Variants in BCLAF1 observed in about 807,000 individuals in gnomAD.
The protein encoded by BCLAF1 is bcl-2-associated transcription factor 1.
BCLAF1 carries 10 observed loss-of-function variants against 99.5 expected under a neutral mutation model. The observed-to-expected ratio is 0.10, with a 90% CI of 0.06 to 0.17. The LOEUF (loss-of-function observed/expected upper bound fraction) is 0.17, where lower values mean the gene tolerates loss of function less well. Ranked by LOEUF, BCLAF1 falls within the 10% of genes least tolerant of loss-of-function variation. The probability of loss-of-function intolerance (pLI) is 1.00; values close to 1 mark genes in which losing one functional copy is unlikely to be tolerated. For synonymous variants in BCLAF1, 255 were observed against 370.9 expected (o/e 0.69, Z 3.59); for missense variants, 636 against 1,105.8 (o/e 0.58, Z 6.02).
intron 9 of BCLAF1, chr6:136,269,028 T>TC (rs1174520396): frequency 1.7e-5 from 13 of 769,266 alleles, no homozygotes; most frequent in South Asian, 3.0e-5. Context: ...TAGTCCTTCC[T>TC]CCCCCCCATC....
At chr6:136,268,416 T>G in intron 9 of BCLAF1, 77 bp from the exon 10 acceptor site, 2 of 1,333,480 alleles carry the variant, frequency 1.5e-6, no homozygotes, top group African/African-American at 2.9e-5. Context: ...ACAGAAGAGA[T>G]ATTTTTCAAG....
intron 11 of BCLAF1, among the ~76,000 whole-genome samples, chr6:136,265,826 T>C (rs866536357): frequency 6.6e-6 from 1 of 152,178 alleles, no homozygotes; most frequent in South Asian, 2.1e-4. Flanking sequence ...TCTCTACTAC[T>C]AGCAGTCTCT....
Position 136,257,345 on chromosome 6 carries a change from T to TAGTTGGGGTC in BCLAF1, c.*3764_*3765insGACCCCAACT. ...AGATTCATTTTTAAAGGCCAAGGTATAGTCTAGTAACATAAAAAGAACTGG... is the reference window on the plus strand; with the variant it reads ...AGATTCATTTTTAAAGGCCAAGGTATAGTTGGGGTCAGTCTAGTAACATAAAAAGAACTGG... On this transcript the variant is annotated 3_prime_UTR_variant, in exon 13 of 13. Coordinates refer to ENST00000531224, the MANE Select transcript of BCLAF1 (RefSeq NM_014739.3). The TAGTTGGGGTC allele has an allele frequency of 6.6e-6, 1 of 152,322 alleles. No homozygotes were observed. The allele number at this position is 152,322 out of a possible 1,614,324, so 9.4% of individuals were successfully genotyped here.
intron 10 of BCLAF1, 143 bp from the exon 11 acceptor site, chr6:136,267,318 G>T: frequency 2.0e-6 from 2 of 1,013,896 alleles, no homozygotes; most frequent in Non-Finnish European, 2.8e-6. Context: ...GAAAAGGATG[G>T]CCATTTTATA....
Position 136,278,919 on chromosome 6 carries a change from T to C in BCLAF1, c.105-143A>G, listed in dbSNP as rs939994015. 68 of 836,234 alleles carry C rather than the reference T, an allele frequency of 8.1e-5. 1 individual carries two copies. The highest frequency in any genetic ancestry group is 1.5e-5 in the Non-Finnish European group (9 of 584,940). 51.8% of individuals were successfully genotyped at this position (836,234 alleles called of 1,614,324 possible). On this transcript the variant is annotated intron_variant, in intron 3 of 12. Coordinates refer to ENST00000531224, the MANE Select transcript of BCLAF1 (RefSeq NM_014739.3). ...AAAAACTCATCTGTACAAAAGTTAA[T>C]GGTTTCCAATCAAAAAGCCTCACTA...
At chr6:136,261,242 A>G (rs755988618) in intron 12 of BCLAF1, 23 bp downstream of exon 12, 1 of 1,605,848 alleles carries the variant, frequency 6.2e-7, no homozygotes, top group Non-Finnish European at 8.5e-7. Context: ...AATCTGTCAG[A>G]ATCACAAGTT....
At chr6:136,266,140 A>AT (rs942314981) in intron 11 of BCLAF1, among the ~76,000 whole-genome samples, 1 of 152,052 alleles carries the variant, frequency 6.6e-6, no homozygotes, top group African/African-American at 2.4e-5. Context: ...CAAAATAGAG[A>AT]TCCACTTCAA....
intron 2 of BCLAF1, among the ~76,000 whole-genome samples, chr6:136,280,106 G>A (rs921833986): frequency 4.4e-4 from 67 of 152,016 alleles, no homozygotes; most frequent in Non-Finnish European, 1.0e-4. Context: ...AGATTTTTAC[G>A]GACTGCCCCA....
At chr6:136,263,687 C>T (rs1781332283) in intron 11 of BCLAF1, among the ~76,000 whole-genome samples, 1 of 152,072 alleles carries the variant, frequency 6.6e-6, no homozygotes, top group South Asian at 2.1e-4. Context: ...ATAACCAAAA[C>T]TCCAATCCTG....
chr6:136,285,865 C>T (rs1785057197), intron 1 of BCLAF1, among the ~76,000 whole-genome samples: 1 of 152,016 alleles, frequency 6.6e-6, no homozygotes, highest in Non-Finnish European at 1.5e-5. Context: ...TTTGGGAGGC[C>T]GAGGTGAGCG....
chr6:136,266,878 A>T, intron 11 of BCLAF1, 151 bp downstream of exon 11: 1 of 1,062,642 alleles, frequency 9.4e-7, no homozygotes, highest in Non-Finnish European at 1.3e-6. Flanking sequence ...ATTTTTCAAA[A>T]TTTCAAATCG....
intron 1 of BCLAF1, among the ~76,000 whole-genome samples, chr6:136,287,135 G>A (rs933369751): frequency 1.3e-5 from 2 of 150,434 alleles, no homozygotes; most frequent in Non-Finnish European, 3.0e-5. Context: ...GCAAGACTGT[G>A]TCTCAAGAAA....
chr6:136,288,189 T>G (rs954270303), intron 1 of BCLAF1, among the ~76,000 whole-genome samples: 1 of 152,226 alleles, frequency 6.6e-6, no homozygotes, highest in Non-Finnish European at 1.5e-5. Flanking sequence ...ATTTCAGTAT[T>G]CACCACAATG....
intron 8 of BCLAF1, chr6:136,270,074 C>T (rs78755269): frequency 6.6e-6 from 1 of 151,798 alleles, no homozygotes; most frequent in African/African-American, 2.4e-5. Context: ...TTACTTAAGC[C>T]TCATTATGAT....
intron 6 of BCLAF1, among the ~76,000 whole-genome samples, chr6:136,273,756 A>C (rs1033213318): frequency 4.6e-5 from 7 of 152,048 alleles, no homozygotes; most frequent in Non-Finnish European, 7.4e-5. Context: ...ATCTTGGCAA[A>C]CCCAACAGCA....
intron 6 of BCLAF1, chr6:136,274,328 G>T (rs1163866987): frequency 5.6e-5 from 15 of 270,018 alleles, no homozygotes; most frequent in Non-Finnish European, 9.0e-5. Flanking sequence ...AAAAGAAAAA[G>T]GAAAAAATTT....
At chr6:136,287,873 T>C (rs1785362887) in intron 1 of BCLAF1, among the ~76,000 whole-genome samples, 1 of 151,988 alleles carries the variant, frequency 6.6e-6, no homozygotes, top group Non-Finnish European at 1.5e-5. Context: ...ATACAAAAAT[T>C]AGCCCGGTGT....
intron 8 of BCLAF1, among the ~76,000 whole-genome samples, chr6:136,271,413 C>A (rs1782511594): frequency 6.6e-6 from 1 of 151,834 alleles, no homozygotes; most frequent in African/African-American, 2.4e-5. Context: ...CCACTGAATT[C>A]CATTCTCACC....
chr6:136,265,033 A>G (rs1781533157), intron 11 of BCLAF1, among the ~76,000 whole-genome samples: 1 of 152,186 alleles, frequency 6.6e-6, no homozygotes, highest in Admixed American at 6.5e-5. Flanking sequence ...AAAACGGCCT[A>G]AATTTAATAT....
Sources: allele counts gnomAD v4.1 joint callset (sites outside exome capture counted in the v4.1 genomes callset), GRCh38; gene constraint gnomAD v4.1.1; transcripts MANE v1.5; gene names NCBI Gene and HGNC (gene_info 2026-07-23, HGNC 2026-07-21).